Variants in ADAMTS9 observed in about 807,000 individuals in gnomAD.
The protein encoded by ADAMTS9 is ADAM metallopeptidase with thrombospondin type 1 motif 9, also known as A disintegrin and metalloproteinase with thrombospondin motifs 9.
In ADAMTS9, 107 loss-of-function variants were observed where a neutral mutation model predicts 257.1. The ratio of observed to expected loss-of-function variants is 0.42; its 90% CI spans 0.36 to 0.49. The LOEUF is 0.49. Among genes scored for constraint, ADAMTS9 ranks in the 20% least tolerant of loss-of-function variants. The pLI is 0.03. For synonymous variants in ADAMTS9, 982 were observed against 880.9 expected, an observed-to-expected ratio of 1.11 and a Z score of -2.03; for missense variants, 2,353 against 2,469.1, an observed-to-expected ratio of 0.95 and a Z score of 1.00.
intron 3 of ADAMTS9, among the ~76,000 whole-genome samples, chr3:64,674,801 T>C (rs1701586874): frequency 6.6e-6 from 1 of 152,162 alleles, no homozygotes; most frequent in Non-Finnish European, 1.5e-5. Flanking sequence ...AGGGGTCTGC[T>C]CCCCAGCTCC....
rs1042402522 is a variant in ADAMTS9 at position 64,546,857 on chromosome 3, G to C, written c.4965C>G (p.Thr1655=). The C allele has an allele frequency of 1.9e-6, 3 of 1,614,110 alleles. No individual in the cohort carries two copies. Among genetic ancestry groups the C allele is most frequent in the Non-Finnish European group, 1.7e-6 (2 of 1,180,002 alleles). ...GCTGCGTGCCTGGGCAGTTGATGGT[G>C]GTTTGGTAGCTGTATTCATAATTCT... is the stretch of plus-strand genomic sequence containing the variant. ...GKENYEYSYQ[T]TINCPGTQPP... Residue 1655 remains threonine (T), a synonymous_variant, in exon 32 of 40, where the codon ACC becomes ACG. Coordinates refer to ENST00000498707, the MANE Select transcript of ADAMTS9 (RefSeq NM_182920.2).
At position 64,681,220 on chromosome 3, in the gene ADAMTS9, C is replaced by T. The variant is rs1701745755; in HGVS notation, c.660G>A (p.Arg220=). The change falls in exon 3 of 40, where the codon AGG becomes AGA. Residue 220 remains arginine, a synonymous_variant. Transcript: ENST00000498707. ...AAATACCTGAGGTGTCACATGCATG[C>T]CTTCCTGTTGAGGGCTCTCTCTGGG... ...SAPQREPSTG[R]HACDTSEHKN... is the part of the protein sequence containing the mutation. The T allele has an allele frequency of 1.2e-6, 2 of 1,612,950 alleles. No individual in the cohort carries two copies. Among genetic ancestry groups the T allele is most frequent in the Non-Finnish European group, 8.5e-7 (1 of 1,179,694 alleles).
At position 64,658,674 on chromosome 3, in the gene ADAMTS9, A is replaced by T; in HGVS notation, c.797T>A (p.Phe266Tyr). ...GTCCGTCTTATTACCATAAGCAGAA[A>T]ATGCCTCTGTTGCTAAGCCGCTGTT... ...ALNSGLATEA[F>Y]SAYGNKTDNT... Residue 266 changes from phenylalanine to tyrosine, a missense_variant, in exon 4 of 40, where the codon TTT (phenylalanine) becomes TAT (tyrosine). Phe to Tyr is a conservative substitution (Grantham distance 22). This residue lies in a region of ADAMTS9 where 591 missense variants were observed against 569.6 expected (regional missense o/e 1.04). Transcript: ENST00000498707. The T allele has an allele frequency of 6.2e-7, 1 of 1,614,002 alleles. No homozygotes were observed. The highest frequency in any genetic ancestry group is 1.1e-5 in the South Asian group (1 of 91,068).
At position 64,517,139 on chromosome 3, in the gene ADAMTS9, GA is replaced by G. The variant is rs1439034771; in HGVS notation, c.*6-19del. On this transcript the variant is annotated intron_variant, in intron 39 of 39. Coordinates refer to ENST00000498707, the MANE Select transcript of ADAMTS9 (RefSeq NM_182920.2). ...CAAAGCACCTGAAATAAACAAACCAGAAAATATAAACCTTCTGCCTCAAATG... is the reference window on the plus strand; with the variant it reads ...CAAAGCACCTGAAATAAACAAACCAGAAATATAAACCTTCTGCCTCAAATG... 2 of 152,464 alleles carry G rather than the reference GA, an allele frequency of 1.3e-5. No homozygotes were observed. Among genetic ancestry groups the G allele is most frequent in the African/African-American group, 2.4e-5 (1 of 41,414 alleles). 9.4% of individuals were successfully genotyped at this position (152,464 alleles called of 1,614,324 possible).
chr3:64,636,275 A>T (rs1021050864), intron 12 of ADAMTS9, among the ~76,000 whole-genome samples: 1 of 152,178 alleles, frequency 6.6e-6, no homozygotes, highest in Non-Finnish European at 1.5e-5. Context: ...TTTATAAAAA[A>T]CATTTTTTAT....
chr3:64,528,815 G>C (rs2082942259), intron 38 of ADAMTS9, among the ~76,000 whole-genome samples: 1 of 152,200 alleles, frequency 6.6e-6, no homozygotes, highest in African/African-American at 2.4e-5. Context: ...AAGTCAATGA[G>C]AAAGGGGCCA....
chr3:64,548,614 G>C (rs1419007033), intron 31 of ADAMTS9, among the ~76,000 whole-genome samples: 1 of 152,132 alleles, frequency 6.6e-6, no homozygotes, highest in East Asian at 1.9e-4. Context: ...AGCCCAGTGG[G>C]AGACAGGCAT....
chr3:64,564,584 G>C (rs1270943962), intron 29 of ADAMTS9, among the ~76,000 whole-genome samples: 8 of 151,882 alleles, frequency 5.3e-5, no homozygotes, highest in Admixed American at 5.2e-4. Flanking sequence ...CTAGTATACT[G>C]AGGTTTCTCA....
chr3:64,622,656 C>T (rs1700137633), intron 16 of ADAMTS9, 70 bp from the exon 17 acceptor site: 1 of 1,542,064 alleles, frequency 6.5e-7, no homozygotes, highest in South Asian at 1.1e-5. Context: ...TATGAAGTAA[C>T]ATCTGGATAG....
chr3:64,658,264 A>C (rs1701134574), intron 4 of ADAMTS9, among the ~76,000 whole-genome samples: 1 of 152,352 alleles, frequency 6.6e-6, no homozygotes, highest in South Asian at 2.1e-4. Flanking sequence ...GAAGGATTCA[A>C]AATTATACCT....
rs139294992 is a variant in ADAMTS9 at position 64,651,366 on chromosome 3, C to T, written c.1317-203G>A. Among the ~76,000 whole-genome samples, 265 of 152,242 alleles carry T rather than the reference C, an allele frequency of 1.7e-3. 1 individual carries two copies. Among genetic ancestry groups the T allele is most frequent in the African/African-American group, 6.0e-3 (249 of 41,524 alleles). ...AACATAATTCTCACCCAACTTAATACGAAGTGTAAAGGCATAAAATGTATT... is the reference window on the plus strand; with the variant it reads ...AACATAATTCTCACCCAACTTAATATGAAGTGTAAAGGCATAAAATGTATT... On this transcript the variant is annotated intron_variant, in intron 8 of 39. Transcript: ENST00000498707.
intron 26 of ADAMTS9, 85 bp from the exon 27 acceptor site, chr3:64,597,076 A>G: frequency 1.3e-6 from 2 of 1,536,706 alleles, no homozygotes; most frequent in Non-Finnish European, 1.8e-6. Flanking sequence ...GTTAAGACAA[A>G]TGTGCTGAAA....
chr3:64,649,490 C>G (rs1334919363), intron 10 of ADAMTS9, 147 bp downstream of exon 10: 1 of 907,788 alleles, frequency 1.1e-6, no homozygotes, highest in East Asian at 2.8e-5. Context: ...GTGTCATCCT[C>G]ATAATTATTA....
intron 28 of ADAMTS9, among the ~76,000 whole-genome samples, chr3:64,593,544 G>A (rs1042748005): frequency 6.6e-6 from 1 of 152,158 alleles, no homozygotes; most frequent in Admixed American, 6.5e-5. Flanking sequence ...AGCTGCCCCA[G>A]AAGTTTGCAT....
At chr3:64,641,745 GCT>G in intron 12 of ADAMTS9, 101 bp downstream of exon 12, 1 of 1,448,730 alleles carries the variant, frequency 6.9e-7, no homozygotes, top group Non-Finnish European at 9.4e-7. Context: ...GTTCTTTCTA[GCT>G]CTCTAAGTTG....
chr3:64,619,815 A>G (rs1700060489), intron 19 of ADAMTS9, among the ~76,000 whole-genome samples: 1 of 152,174 alleles, frequency 6.6e-6, no homozygotes, highest in Non-Finnish European at 1.5e-5. Flanking sequence ...TTGTGCCTCA[A>G]GGAATCTATC....
chr3:64,567,102 G>A (rs895979852), intron 29 of ADAMTS9, among the ~76,000 whole-genome samples: 28 of 152,178 alleles, frequency 1.8e-4, no homozygotes. Flanking sequence ...AATGATGACT[G>A]GAGGATATGG....
chr3:64,622,397 T>C (rs1293675028), intron 17 of ADAMTS9, 23 bp downstream of exon 17: 8 of 1,613,186 alleles, frequency 5.0e-6, no homozygotes, highest in Non-Finnish European at 6.8e-6. Flanking sequence ...AAAAGGGTGG[T>C]GGGCTCATGG....
chr3:64,567,284 A>G (rs1559767825), intron 29 of ADAMTS9, among the ~76,000 whole-genome samples: 1 of 152,210 alleles, frequency 6.6e-6, no homozygotes, highest in Non-Finnish European at 1.5e-5. Flanking sequence ...GGAAGAATCC[A>G]TGCTAGAGCC....
Sources: gnomAD v4.1 joint callset for allele counts (sites outside exome capture counted in the v4.1 genomes callset) on GRCh38, gnomAD v4.1.1 for gene constraint, gnomAD v4.1.1 regional missense constraint, MANE v1.5 for transcripts, NCBI Gene and HGNC (gene_info 2026-07-23, HGNC 2026-07-21) for gene names.